Variants in NUP35 observed in about 807,000 individuals in gnomAD.
NUP35 encodes the protein nucleoporin 35.
NUP35 carries 25 observed loss-of-function variants against 41.5 expected under a neutral mutation model. The ratio of observed to expected loss-of-function variants is 0.60; its 90% CI spans 0.44 to 0.84. NUP35 has a LOEUF of 0.84. Ranked by LOEUF, NUP35 falls within the 40% of genes least tolerant of loss-of-function variation. The pLI is 0.00. For synonymous variants in NUP35, 149 were observed against 130.7 expected, an observed-to-expected ratio of 1.14 and a Z score of -0.96; for missense variants, 396 against 396.6, an observed-to-expected ratio of 1.00 and a Z score of 0.01.
intron 5 of NUP35, 77 bp downstream of exon 5, chr2:183,151,726 A>G: frequency 2.1e-6 from 3 of 1,397,212 alleles, no homozygotes; most frequent in Non-Finnish European, 2.9e-6. Flanking sequence ...ACATACAGTA[A>G]AATGGAAAGA....
At chr2:183,127,418 G>T (rs999393343) in intron 1 of NUP35, among the ~76,000 whole-genome samples, 1 of 151,996 alleles carries the variant, frequency 6.6e-6, no homozygotes. Context: ...ATGCCCAGCT[G>T]TGATTATTCT....
At position 183,144,585 on chromosome 2, in the gene NUP35, G is replaced by A. The variant is rs189551280; in HGVS notation, c.398-6923G>A. On this transcript the variant is annotated intron_variant, in intron 4 of 8. Coordinates refer to ENST00000295119, the MANE Select transcript of NUP35 (RefSeq NM_138285.5). ...TTTTAATTGAAGACATTTTCATAAA[G>A]GGTAATAAGGTCTTTTGCCCTCTGC... is the stretch of plus-strand genomic sequence containing the variant. Among the ~76,000 whole-genome samples the A allele has an allele frequency of 2.9e-4, 43 of 146,740 alleles. 1 individual carries two copies. The East Asian group carries it at 8.1e-3, about 28-fold the overall frequency.
chr2:183,130,884 A>G, intron 3 of NUP35: 3 of 853,608 alleles, frequency 3.5e-6, no homozygotes, highest in Non-Finnish European at 4.5e-6. Flanking sequence ...AATATTTAAT[A>G]TTTAAAAATT....
chr2:183,157,649 TGAAGTCTG>T, intron 6 of NUP35, 136 bp downstream of exon 6: 1 of 625,940 alleles, frequency 1.6e-6, no homozygotes, highest in Non-Finnish European at 2.8e-6. Context: ...ATACATCCTT[TGAAGTCTG>T]GAAGGCTGGA....
chr2:183,130,731 G>A (rs990512153), intron 3 of NUP35, among the ~76,000 whole-genome samples, 186 bp downstream of exon 3: 4 of 152,160 alleles, frequency 2.6e-5, no homozygotes, highest in African/African-American at 9.7e-5. Context: ...GTACTTAACA[G>A]TGTAGAACTC....
At chr2:183,143,714 A>C (rs1430975416) in intron 4 of NUP35, among the ~76,000 whole-genome samples, 1 of 152,116 alleles carries the variant, frequency 6.6e-6, no homozygotes, top group Admixed American at 6.5e-5. Context: ...CTTATTATAT[A>C]CTTTACACTA....
intron 4 of NUP35, among the ~76,000 whole-genome samples, chr2:183,138,265 A>T (rs62188066): frequency 0.042 from 2,875 of 68,836 alleles, 71 homozygotes; most frequent in African/African-American, 0.13. Flanking sequence ...ATATATATAT[A>T]TATATTTTTT....
At chr2:183,160,486 C>T (rs1199390703) in intron 8 of NUP35, 1 of 152,134 alleles carries the variant, frequency 6.6e-6, no homozygotes, top group East Asian at 1.9e-4. Flanking sequence ...CTCCTGGGTT[C>T]AGGTGATTCT....
At chr2:183,153,277 C>A (rs1219573006) in intron 5 of NUP35, among the ~76,000 whole-genome samples, 1 of 152,106 alleles carries the variant, frequency 6.6e-6, no homozygotes, top group African/African-American at 2.4e-5. Flanking sequence ...ATCTCATGTC[C>A]TCACGTTTCA....
At chr2:183,132,212 G>A (rs1684719433) in intron 3 of NUP35, among the ~76,000 whole-genome samples, 1 of 151,878 alleles carries the variant, frequency 6.6e-6, no homozygotes, top group Non-Finnish European at 1.5e-5. Flanking sequence ...TTGTAGAGAT[G>A]GGATTTGTCC....
In NUP35 at chr2:183,158,422, GGTGAT is replaced by G; in HGVS notation, c.738+14_738+18del. 2 of 1,587,122 alleles carry G rather than the reference GGTGAT, an allele frequency of 1.3e-6. No homozygotes were observed. The highest frequency in any genetic ancestry group is 1.7e-6 in the Non-Finnish European group (2 of 1,164,612). On this transcript the variant is annotated intron_variant, in intron 7 of 8. Transcript: ENST00000295119. ...CCATGTATTGACAAAGTAAGTTATT[GGTGAT>G]GTAGGCAAAGTAGCTTAATCTATAT...
At chr2:183,149,765 A>G (rs1300159051) in intron 4 of NUP35, among the ~76,000 whole-genome samples, 3 of 152,164 alleles carry the variant, frequency 2.0e-5, no homozygotes, top group Non-Finnish European at 2.9e-5. Flanking sequence ...TGGAATTCCA[A>G]CTAACCTTCT....
At chr2:183,129,548 G>A (rs989456847) in intron 2 of NUP35, among the ~76,000 whole-genome samples, 1 of 152,168 alleles carries the variant, frequency 6.6e-6, no homozygotes, top group Non-Finnish European at 1.5e-5. Flanking sequence ...AATTTCAAAT[G>A]TGTTATTTTA....
At chr2:183,155,538 C>T (rs1230155014) in intron 5 of NUP35, among the ~76,000 whole-genome samples, 1 of 148,262 alleles carries the variant, frequency 6.7e-6, no homozygotes, top group Non-Finnish European at 1.5e-5. Flanking sequence ...TTTTCTTCTT[C>T]TTCTTTTACA....
chr2:183,152,111 A>ACACACG (rs1491184790), intron 5 of NUP35, among the ~76,000 whole-genome samples: 10 of 5,220 alleles, frequency 1.9e-3, no homozygotes, highest in African/African-American at 7.8e-3. Context: ...ACATTTACAA[A>ACACACG]CACACACACA....
intron 3 of NUP35, among the ~76,000 whole-genome samples, chr2:183,131,608 G>A (rs1167530324): frequency 6.6e-6 from 1 of 152,180 alleles, no homozygotes; most frequent in African/African-American, 2.4e-5. Flanking sequence ...TCCAACAGGA[G>A]CCACTAGCTA....
chr2:183,136,161 C>T (rs953464542), intron 4 of NUP35, among the ~76,000 whole-genome samples: 2 of 152,218 alleles, frequency 1.3e-5, no homozygotes, highest in Non-Finnish European at 2.9e-5. Flanking sequence ...CTACCCACTG[C>T]CTGATTTCTA....
intron 8 of NUP35, chr2:183,160,804 C>T (rs546356697): frequency 7.6e-6 from 2 of 261,566 alleles, no homozygotes; most frequent in Non-Finnish European, 1.5e-5. Context: ...CAATTCAGGC[C>T]GGGCGCAGGG....
At chr2:183,156,338 T>G (rs1404812004) in intron 5 of NUP35, among the ~76,000 whole-genome samples, 4 of 152,208 alleles carry the variant, frequency 2.6e-5, no homozygotes, top group Non-Finnish European at 4.4e-5. Flanking sequence ...ATAGATTTTA[T>G]TTAATTAATT....
Sources: allele counts gnomAD v4.1 joint callset (sites outside exome capture counted in the v4.1 genomes callset), GRCh38; gene constraint gnomAD v4.1.1; transcripts MANE v1.5; gene names NCBI Gene and HGNC (gene_info 2026-07-23, HGNC 2026-07-21).